SDK1: variants seen among roughly 807,000 people sequenced by gnomAD.
The protein encoded by SDK1 is sidekick cell adhesion molecule 1.
Under a neutral mutation model 245.5 loss-of-function variants are expected in SDK1, and 157 were observed. That is an observed-to-expected ratio of 0.64 (90% confidence interval 0.56 to 0.73). SDK1 has a LOEUF of 0.73. SDK1 is among the 30% of genes least tolerant of loss of function. The pLI, the probability that SDK1 is intolerant of heterozygous loss-of-function variation, is 0.00. For synonymous variants in SDK1, 1,647 were observed against 1,278.5 expected (o/e 1.29, Z -6.15); for missense variants, 3,583 against 3,002.3 (o/e 1.19, Z -4.52).
In SDK1 at chr7:3,758,668, G is replaced by T. The variant is rs534888104; in HGVS notation, c.714-62782G>T. On this transcript the variant is annotated intron_variant, in intron 4 of 44. Transcript: ENST00000404826. ...CTGCACTGTGAGATCCTCCAGCCTT[G>T]TTCTGTGTGTCACCTGCACCCGCCC... 3.9e-5 allele frequency among the ~76,000 whole-genome samples: 6 copies of T among 152,214 alleles called. No homozygotes were observed. In the East Asian group the frequency reaches 1.2e-3, roughly 29 times the overall value.
chr7:4,049,103 G>C (rs1043290307), intron 17 of SDK1, among the ~76,000 whole-genome samples: 1 of 152,178 alleles, frequency 6.6e-6, no homozygotes, highest in Non-Finnish European at 1.5e-5. Context: ...TGGAATGAGA[G>C]GATGGTCTGG....
chr7:3,703,872 CTTTAT>C (rs761886429), intron 4 of SDK1, among the ~76,000 whole-genome samples: 8 of 152,046 alleles, frequency 5.3e-5, no homozygotes, highest in African/African-American at 9.7e-5. Flanking sequence ...CCAATATTTT[CTTTAT>C]TTTATTTCTG....
chr7:3,413,605 C>A (rs1313513989), intron 1 of SDK1, among the ~76,000 whole-genome samples: 1 of 152,102 alleles, frequency 6.6e-6, no homozygotes, highest in Non-Finnish European at 1.5e-5. Context: ...ACAGGAGGAT[C>A]ACTTGAACCC....
chr7:3,748,476 C>T (rs1229712552), intron 4 of SDK1, among the ~76,000 whole-genome samples: 1 of 152,124 alleles, frequency 6.6e-6, no homozygotes, highest in Non-Finnish European at 1.5e-5. Context: ...TAGTCAGGTC[C>T]AGTGTTGGCT....
chr7:3,772,524 A>G (rs1249731381), intron 4 of SDK1, among the ~76,000 whole-genome samples: 1 of 152,254 alleles, frequency 6.6e-6, no homozygotes, highest in Non-Finnish European at 1.5e-5. Flanking sequence ...AACCAAAGTT[A>G]CAATGATACT....
At chr7:3,421,346 G>A (rs1202786697) in intron 1 of SDK1, among the ~76,000 whole-genome samples, 1 of 151,930 alleles carries the variant, frequency 6.6e-6, no homozygotes, top group Non-Finnish European at 1.5e-5. Context: ...AAAGTGCTGG[G>A]ATTACAGGTG....
chr7:3,781,823 A>G lies in SDK1; in HGVS notation c.714-39627A>G, dbSNP rs114856315. ...CAGAAGACACTGTCGAGCAGAAGAA[A>G]GAATTAGTGATCTGGAAGACAGAAC... On this transcript the variant is annotated intron_variant, in intron 4 of 44. Transcript: ENST00000404826. 5.5e-3 allele frequency among the ~76,000 whole-genome samples: 839 copies of G among 152,308 alleles called. 8 individuals carry two copies. The highest frequency in any genetic ancestry group is 0.019 in the African/African-American group (807 of 41,572).
At chr7:3,389,717 A>G (rs1456035198) in intron 1 of SDK1, among the ~76,000 whole-genome samples, 1 of 150,980 alleles carries the variant, frequency 6.6e-6, no homozygotes, top group Admixed American at 6.6e-5. Context: ...GTGAGCTGTG[A>G]TCGTGCCACT....
chr7:4,103,794 C>T (rs1782729705), intron 22 of SDK1, among the ~76,000 whole-genome samples: 1 of 152,198 alleles, frequency 6.6e-6, no homozygotes. Flanking sequence ...ACTCAGCAGC[C>T]GAGGAGGAGT....
intron 1 of SDK1, among the ~76,000 whole-genome samples, chr7:3,575,608 A>G (rs547690894): frequency 1.3e-5 from 2 of 152,134 alleles, no homozygotes; most frequent in South Asian, 2.1e-4. Flanking sequence ...AAATCGATCT[A>G]GAGAGAAACA....
intron 29 of SDK1, among the ~76,000 whole-genome samples, chr7:4,146,417 C>T (rs1204426160): frequency 6.6e-6 from 1 of 151,096 alleles, no homozygotes; most frequent in Non-Finnish European, 1.5e-5. Context: ...ACACTTTCAG[C>T]CTCACACCTG....
At chr7:3,610,572 A>G (rs1458063827) in intron 1 of SDK1, among the ~76,000 whole-genome samples, 1 of 152,228 alleles carries the variant, frequency 6.6e-6, no homozygotes, top group Non-Finnish European at 1.5e-5. Flanking sequence ...TATATACTGA[A>G]ATAGATTAGC....
chr7:3,414,771 A>G (rs944756362), intron 1 of SDK1, among the ~76,000 whole-genome samples: 29 of 152,258 alleles, frequency 1.9e-4, no homozygotes, highest in African/African-American at 7.0e-4. Context: ...GCCCCTGGCA[A>G]CCGCTAATCT....
chr7:4,232,007 G>A (rs887139975), intron 40 of SDK1, among the ~76,000 whole-genome samples: 3 of 147,954 alleles, frequency 2.0e-5, no homozygotes, highest in Non-Finnish European at 3.0e-5. Flanking sequence ...ATGAAGGATT[G>A]CTACTTCAAA....
chr7:3,462,919 T>C (rs1170180118), intron 1 of SDK1, among the ~76,000 whole-genome samples: 2 of 152,200 alleles, frequency 1.3e-5, no homozygotes, highest in South Asian at 2.1e-4. Flanking sequence ...GCTTGCCTTC[T>C]CATTGCTGTA....
chr7:4,068,443 C>G lies in SDK1; in HGVS notation c.3010+507C>G, dbSNP rs151238545. Reference sequence around the variant, plus strand: ...CCAGGTGGTGTGACTATGAGGCTTACGTGCCTGTGTCTCAGCCCTCGTCCC... The same window carrying G: ...CCAGGTGGTGTGACTATGAGGCTTAGGTGCCTGTGTCTCAGCCCTCGTCCC... On this transcript the variant is annotated intron_variant, in intron 20 of 44. Transcript: ENST00000404826. 7.9e-3 allele frequency among the ~76,000 whole-genome samples: 1,195 copies of G among 152,228 alleles called. 13 individuals are homozygous for G. Among genetic ancestry groups the G allele is most frequent in the African/African-American group, 0.027 (1,114 of 41,534 alleles).
chr7:3,684,466 G>A (rs555571091), intron 4 of SDK1, among the ~76,000 whole-genome samples: 1 of 152,340 alleles, frequency 6.6e-6, no homozygotes, highest in East Asian at 1.9e-4. Context: ...CCAGCATAAA[G>A]CTGAACACAC....
intron 1 of SDK1, among the ~76,000 whole-genome samples, chr7:3,447,474 G>T (rs1370293328): frequency 6.6e-6 from 1 of 152,040 alleles, no homozygotes; most frequent in South Asian, 2.1e-4. Flanking sequence ...ATAAATGTAT[G>T]CTTCATAAAT....
At chr7:4,147,186 G>GT (rs1318252341) in intron 29 of SDK1, among the ~76,000 whole-genome samples, 1 of 152,076 alleles carries the variant, frequency 6.6e-6, no homozygotes, top group Non-Finnish European at 1.5e-5. Flanking sequence ...TCCTATTTTT[G>GT]TTTTTTTATT....
Sources: gnomAD v4.1 joint callset for allele counts (sites outside exome capture counted in the v4.1 genomes callset) on GRCh38, gnomAD v4.1.1 for gene constraint, MANE v1.5 for transcripts, NCBI Gene and HGNC (gene_info 2026-07-23, HGNC 2026-07-21) for gene names.